The following THSD7A variants were observed in gnomAD, a reference collection of about 807,000 sequenced individuals.
The protein encoded by THSD7A is thrombospondin type-1 domain-containing protein 7A.
In THSD7A, 96 loss-of-function variants were observed where a neutral mutation model predicts 231.3. That is an observed-to-expected ratio of 0.41 (90% CI 0.35 to 0.49). The LOEUF is 0.49. THSD7A is among the 20% of genes least tolerant of loss of function. The pLI, the probability that THSD7A is intolerant of heterozygous loss-of-function variation, is 0.05. For missense variants in THSD7A, 2,290 were observed against 2,070.2 expected (o/e 1.11, Z -2.06); for synonymous variants, 940 against 743.3 (o/e 1.26, Z -4.30).
At chr7:11,539,182 C>T (rs1789039030) in intron 6 of THSD7A, among the ~76,000 whole-genome samples, 1 of 152,138 alleles carries the variant, frequency 6.6e-6, no homozygotes, top group African/African-American at 2.4e-5. Context: ...CAGGTGACCA[C>T]ATGATAATAT....
intron 1 of THSD7A, among the ~76,000 whole-genome samples, chr7:11,657,689 G>C (rs1319602806): frequency 6.6e-6 from 1 of 151,796 alleles, no homozygotes; most frequent in Non-Finnish European, 1.5e-5. Context: ...TTCTCTACGA[G>C]TTTAAACCAT....
At chr7:11,537,857 G>C (rs1232727677) in intron 6 of THSD7A, among the ~76,000 whole-genome samples, 5 of 152,154 alleles carry the variant, frequency 3.3e-5, no homozygotes, top group Non-Finnish European at 7.3e-5. Context: ...GCTTACCTCA[G>C]TGCTCATCTC....
rs1425217585 is a variant in THSD7A at position 11,375,022 on chromosome 7, A to G, written c.*772T>C. 6.6e-6 allele frequency: 1 copy of G among 152,084 alleles called. No homozygotes were observed. The highest frequency in any genetic ancestry group is 1.5e-5 in the Non-Finnish European group (1 of 68,006). 9.4% of individuals were successfully genotyped at this position (152,084 alleles called of 1,614,324 possible). A position where few individuals can be genotyped will look rare whatever the true frequency, so the allele number is the denominator to read the frequency against. The stretch of plus-strand genomic sequence containing the variant: ...ATGTGCCTTCCATATAGCAAAAAAG[A>G]TGCAGGCAACCAGTTTGAAAATCAG... On this transcript the variant is annotated 3_prime_UTR_variant, in exon 28 of 28. Transcript: ENST00000423059.
intron 1 of THSD7A, among the ~76,000 whole-genome samples, chr7:11,658,050 A>G (rs1782774152): frequency 6.6e-6 from 1 of 151,720 alleles, no homozygotes; most frequent in African/African-American, 2.4e-5. Flanking sequence ...AGCTTCAACA[A>G]GGGACCAGCA....
At chr7:11,812,807 A>C (rs1020387421) in intron 1 of THSD7A, among the ~76,000 whole-genome samples, 5 of 152,196 alleles carry the variant, frequency 3.3e-5, no homozygotes, top group Admixed American at 1.3e-4. Flanking sequence ...GGTATATCAT[A>C]ACATCAACAG....
At chr7:11,612,346 T>C (rs1232539078) in intron 2 of THSD7A, among the ~76,000 whole-genome samples, 1 of 152,204 alleles carries the variant, frequency 6.6e-6, no homozygotes, top group Non-Finnish European at 1.5e-5. Flanking sequence ...AGAGGTCTCA[T>C]GGAAAGTCTC....
chr7:11,506,504 C>G (rs1787550185), intron 6 of THSD7A, among the ~76,000 whole-genome samples: 1 of 152,174 alleles, frequency 6.6e-6, no homozygotes, highest in Non-Finnish European at 1.5e-5. Flanking sequence ...ACTCAGCAGT[C>G]AGAATAAGCC....
intron 4 of THSD7A, among the ~76,000 whole-genome samples, chr7:11,553,999 T>C (rs546606318): frequency 3.3e-4 from 50 of 152,150 alleles, no homozygotes; most frequent in African/African-American, 1.1e-3. Flanking sequence ...GAGGTAATTG[T>C]AGATTGATAT....
chr7:11,432,966 C>T (rs192912065), intron 13 of THSD7A, among the ~76,000 whole-genome samples: 34 of 152,000 alleles, frequency 2.2e-4, no homozygotes, highest in Non-Finnish European at 3.7e-4. Flanking sequence ...TGAAAGTGGG[C>T]ATTAGTCCCA....
chr7:11,600,233 C>A (rs1435011239), intron 2 of THSD7A, among the ~76,000 whole-genome samples: 1 of 152,196 alleles, frequency 6.6e-6, no homozygotes, highest in East Asian at 1.9e-4. Context: ...TTTTTAATAT[C>A]ACTTGAAACT....
At chr7:11,771,596 G>GT (rs924084067) in intron 1 of THSD7A, among the ~76,000 whole-genome samples, 83 of 147,160 alleles carry the variant, frequency 5.6e-4, no homozygotes, top group African/African-American at 9.7e-4. Flanking sequence ...TACATACCAG[G>GT]TTTTTTTTTT....
At chr7:11,436,182 T>C (rs945775001) in intron 13 of THSD7A, among the ~76,000 whole-genome samples, 2 of 152,022 alleles carry the variant, frequency 1.3e-5, no homozygotes, top group African/African-American at 2.4e-5. Flanking sequence ...TAATAGGGCT[T>C]TGTCAGGAAT....
At chr7:11,769,972 A>G (rs1206900060) in intron 1 of THSD7A, among the ~76,000 whole-genome samples, 2 of 152,078 alleles carry the variant, frequency 1.3e-5, no homozygotes, top group African/African-American at 4.8e-5. Flanking sequence ...CTTTCTTGTC[A>G]CTATGGCATT....
At chr7:11,733,731 T>A (rs958963670) in intron 1 of THSD7A, among the ~76,000 whole-genome samples, 3 of 151,854 alleles carry the variant, frequency 2.0e-5, no homozygotes, top group Non-Finnish European at 4.4e-5. Context: ...TAAGAATAGA[T>A]AGCTCCATAG....
chr7:11,488,266 T>G (rs1319457000), intron 6 of THSD7A, among the ~76,000 whole-genome samples: 1 of 152,142 alleles, frequency 6.6e-6, no homozygotes, highest in Non-Finnish European at 1.5e-5. Context: ...CTTTTGAGAG[T>G]GATAGTCTTT....
intron 2 of THSD7A, among the ~76,000 whole-genome samples, chr7:11,617,787 T>C (rs1359754624): frequency 6.6e-6 from 1 of 151,974 alleles, no homozygotes; most frequent in African/African-American, 2.4e-5. Flanking sequence ...AATTGAACAA[T>C]GAGAACACTT....
intron 4 of THSD7A, among the ~76,000 whole-genome samples, chr7:11,570,192 AAAG>A (rs1276876247): frequency 6.6e-6 from 1 of 152,130 alleles, no homozygotes; most frequent in African/African-American, 2.4e-5. Context: ...AAAGAAAAGA[AAAG>A]AAAAGAAAAA....
Position 11,474,490 on chromosome 7 carries a change from C to A in THSD7A, c.2096G>T (p.Trp699Leu). 6.2e-7 allele frequency: 1 copy of A among 1,613,578 alleles called. No individual in the cohort carries two copies. Among genetic ancestry groups the A allele is most frequent in the South Asian group, 1.1e-5 (1 of 91,058 alleles). ...CNEHPCTVYH[W>L]QTGPWGQCIE... ...GCACTGGCCCCAGGGACCAGTTTGC[C>A]AGTGGTACACTGTGCAAGGATGCTC... Residue 699 changes from tryptophan to leucine, a missense_variant, in exon 8 of 28, where the codon TGG (tryptophan) becomes TTG (leucine). Physicochemically the swap from Trp to Leu is moderately conservative, Grantham distance 61. Coordinates refer to ENST00000423059, the MANE Select transcript of THSD7A (RefSeq NM_015204.3). The surrounding 1 kb of genome is among the most constrained non-coding windows in gnomAD (Gnocchi z 4.1).
At chr7:11,417,358 G>T (rs1391654256) in intron 17 of THSD7A, 92 bp downstream of exon 17, 27 of 1,231,708 alleles carry the variant, frequency 2.2e-5, no homozygotes, top group Non-Finnish European at 2.9e-5. Flanking sequence ...ATTTTACATT[G>T]AAGTTATTAT....
Sources: gnomAD v4.1 joint callset for allele counts (sites outside exome capture counted in the v4.1 genomes callset) on GRCh38, gnomAD v4.1.1 for gene constraint, Gnocchi (gnomAD v3.1) non-coding constraint, MANE v1.5 for transcripts, NCBI Gene and HGNC (gene_info 2026-07-23, HGNC 2026-07-21) for gene names.